The following SLC22A23 variants were observed in gnomAD, a reference collection of about 807,000 sequenced individuals.
SLC22A23 encodes the protein ion transporter protein.
In SLC22A23, 26 loss-of-function variants were observed where a neutral mutation model predicts 61.0. That is an observed-to-expected ratio of 0.43 (90% CI 0.31 to 0.59). The LOEUF is 0.59. Ranked by LOEUF, SLC22A23 falls within the 20% of genes least tolerant of loss-of-function variation. The pLI, the probability that SLC22A23 is intolerant of heterozygous loss-of-function variation, is 0.11. For missense variants in SLC22A23, 796 were observed against 934.7 expected, an observed-to-expected ratio of 0.85 and a Z score of 1.94; for synonymous variants, 430 against 413.9, an observed-to-expected ratio of 1.04 and a Z score of -0.47.
chr6:3,302,129 G>T (rs1157048409), intron 4 of SLC22A23, among the ~76,000 whole-genome samples: 1 of 152,158 alleles, frequency 6.6e-6, no homozygotes, highest in Non-Finnish European at 1.5e-5. Context: ...TTATTGGTCT[G>T]TTCAGCCTTT....
At chr6:3,435,166 T>C (rs1465928353) in intron 1 of SLC22A23, among the ~76,000 whole-genome samples, 1 of 152,044 alleles carries the variant, frequency 6.6e-6, no homozygotes, top group African/African-American at 2.4e-5. Context: ...CTCCAGCAGG[T>C]GGCTTAGCTT....
intron 4 of SLC22A23, among the ~76,000 whole-genome samples, chr6:3,316,357 A>C (rs1308840301): frequency 3.9e-5 from 6 of 152,258 alleles, no homozygotes; most frequent in Admixed American, 6.5e-5. Context: ...ACACGTAAGA[A>C]GCGTGCAGCT....
In SLC22A23 at chr6:3,409,711, A is replaced by C. The variant is rs546747847; in HGVS notation, c.913+477T>G. On this transcript the variant is annotated intron_variant, in intron 3 of 9. Transcript: ENST00000406686. ...AAAGAAATGTCTCACCCTCCTAAAA[A>C]GACCAAATACTAGCTAATGCTGTCA... 3.3e-5 allele frequency among the ~76,000 whole-genome samples: 5 copies of C among 152,324 alleles called. No homozygotes were observed. In the East Asian group the frequency reaches 9.6e-4, roughly 29 times the overall value.
At chr6:3,358,529 C>A (rs1235029736) in intron 3 of SLC22A23, among the ~76,000 whole-genome samples, 1 of 140,440 alleles carries the variant, frequency 7.1e-6, no homozygotes, top group African/African-American at 2.5e-5. Context: ...TAGGCAAATT[C>A]AGAAAATCAA....
chr6:3,285,549 A>T (rs1254402855), intron 7 of SLC22A23, among the ~76,000 whole-genome samples: 1 of 152,168 alleles, frequency 6.6e-6, no homozygotes, highest in African/African-American at 2.4e-5. Flanking sequence ...CTCAGGGCCA[A>T]AGGGGCACCA....
intron 3 of SLC22A23, among the ~76,000 whole-genome samples, chr6:3,349,941 A>G (rs529382345): frequency 6.6e-6 from 1 of 152,272 alleles, no homozygotes; most frequent in South Asian, 2.1e-4. Flanking sequence ...GCAGATGATC[A>G]CGGTCGCCTT....
At chr6:3,384,386 A>G (rs1368600260) in intron 3 of SLC22A23, among the ~76,000 whole-genome samples, 11 of 152,272 alleles carry the variant, frequency 7.2e-5, no homozygotes, top group Non-Finnish European at 1.5e-4. Flanking sequence ...AGTAAAAATT[A>G]CGAATGCTGT....
At chr6:3,299,357 A>G (rs1390630289) in intron 4 of SLC22A23, among the ~76,000 whole-genome samples, 2 of 152,230 alleles carry the variant, frequency 1.3e-5, no homozygotes, top group African/African-American at 4.8e-5. Flanking sequence ...ACCAACCTGC[A>G]GTTATTTTCA....
intron 1 of SLC22A23, among the ~76,000 whole-genome samples, chr6:3,417,204 T>C (rs1769780022): frequency 6.6e-6 from 1 of 152,162 alleles, no homozygotes. Flanking sequence ...CCTGTCACAA[T>C]GTCCCCACTT....
chr6:3,425,954 T>C (rs1374899351), intron 1 of SLC22A23, among the ~76,000 whole-genome samples: 1 of 152,230 alleles, frequency 6.6e-6, no homozygotes, highest in East Asian at 1.9e-4. Context: ...GGTTATAGCA[T>C]TTGTCTGGAC....
chr6:3,401,298 G>A (rs539099546), intron 3 of SLC22A23, among the ~76,000 whole-genome samples: 13 of 152,188 alleles, frequency 8.5e-5, no homozygotes, highest in African/African-American at 2.4e-4. Flanking sequence ...AGATTGTGCC[G>A]CTGCACTCTA....
At chr6:3,352,327 G>T (rs1764822152) in intron 3 of SLC22A23, among the ~76,000 whole-genome samples, 1 of 150,262 alleles carries the variant, frequency 6.7e-6, no homozygotes, top group African/African-American at 2.5e-5. Context: ...ACACAGACAT[G>T]CACAGACACA....
At chr6:3,296,858 G>A (rs1355786467) in intron 5 of SLC22A23, among the ~76,000 whole-genome samples, 3 of 152,288 alleles carry the variant, frequency 2.0e-5, no homozygotes, top group Non-Finnish European at 2.9e-5. Flanking sequence ...CTTCTGAACT[G>A]GGAGTCTAAC....
chr6:3,438,415 G>A (rs1049317401), intron 1 of SLC22A23: 1 of 431,142 alleles, frequency 2.3e-6, no homozygotes, highest in Non-Finnish European at 4.6e-6. Flanking sequence ...TGATCCATCA[G>A]GCTTGCTGCC....
At chr6:3,381,328 C>T (rs1766940302) in intron 3 of SLC22A23, among the ~76,000 whole-genome samples, 1 of 137,058 alleles carries the variant, frequency 7.3e-6, no homozygotes, top group Non-Finnish European at 1.7e-5. Flanking sequence ...ACAGTGGGGG[C>T]TCAGCCATCT....
intron 9 of SLC22A23, among the ~76,000 whole-genome samples, chr6:3,281,492 A>C (rs7750434): frequency 0.82 from 125,115 of 152,182 alleles, 52,741 homozygotes; most frequent in Non-Finnish European, 0.92. Context: ...TTCATATCCT[A>C]ATATTTGCTT....
intron 1 of SLC22A23, among the ~76,000 whole-genome samples, chr6:3,453,360 G>C (rs77836441): frequency 0.01 from 1,530 of 152,266 alleles, 34 homozygotes; most frequent in African/African-American, 0.035. Context: ...GGATGGACTA[G>C]CTGCCTTGTT....
intron 1 of SLC22A23, among the ~76,000 whole-genome samples, chr6:3,443,010 A>C (rs939918900): frequency 6.6e-6 from 1 of 152,216 alleles, no homozygotes; most frequent in Admixed American, 6.5e-5. Context: ...ACCTTGAGCT[A>C]ACCAAACATC....
At chr6:3,279,367 T>C (rs1759207425) in intron 9 of SLC22A23, among the ~76,000 whole-genome samples, 1 of 151,242 alleles carries the variant, frequency 6.6e-6, no homozygotes, top group Admixed American at 6.6e-5. Context: ...AAAAATTAGT[T>C]GGGTGTGGTG....
Sources: allele counts gnomAD v4.1 joint callset (sites outside exome capture counted in the v4.1 genomes callset), GRCh38; gene constraint gnomAD v4.1.1; transcripts MANE v1.5; gene names NCBI Gene and HGNC (gene_info 2026-07-23, HGNC 2026-07-21).